Variants in DCC observed in about 807,000 individuals in gnomAD.
DCC encodes the protein DCC netrin 1 receptor.
DCC carries 58 observed loss-of-function variants against 172.5 expected under a neutral mutation model. That is an observed-to-expected ratio of 0.34 (90% CI 0.27 to 0.42). DCC has a LOEUF of 0.42. Among genes scored for constraint, DCC ranks in the 10% least tolerant of loss-of-function variants. The pLI is 1.00. For synonymous variants in DCC, 709 were observed against 644.5 expected (o/e 1.10, Z -1.52); for missense variants, 1,740 against 1,791.0 (o/e 0.97, Z 0.51).
chr18:52,477,475 A>G (rs1989126908), intron 1 of DCC, among the ~76,000 whole-genome samples: 1 of 152,198 alleles, frequency 6.6e-6, no homozygotes, highest in Non-Finnish European at 1.5e-5. Context: ...CACTTGTGTC[A>G]AACTCTGACA....
chr18:53,067,699 C>G (rs2042593250), intron 7 of DCC, among the ~76,000 whole-genome samples: 1 of 152,120 alleles, frequency 6.6e-6, no homozygotes, highest in Non-Finnish European at 1.5e-5. Flanking sequence ...TAATACAGAT[C>G]CAAATACTTC....
intron 5 of DCC, among the ~76,000 whole-genome samples, chr18:53,062,129 G>A (rs948961503): frequency 2.6e-5 from 4 of 151,966 alleles, no homozygotes; most frequent in African/African-American, 9.7e-5. Flanking sequence ...ATATTATTTA[G>A]TTACTAATCA....
At chr18:53,336,603 A>G (rs2144861076) in intron 14 of DCC, among the ~76,000 whole-genome samples, 1 of 152,322 alleles carries the variant, frequency 6.6e-6, no homozygotes, top group East Asian at 1.9e-4. Flanking sequence ...GATAATTCCA[A>G]CACTTTAGGA....
chr18:52,657,530 A>C (rs1435429501), intron 1 of DCC, among the ~76,000 whole-genome samples: 3 of 152,166 alleles, frequency 2.0e-5, no homozygotes, highest in African/African-American at 7.2e-5. Flanking sequence ...GGATCCCTGC[A>C]ATGTGGTTGA....
At chr18:52,442,429 T>A (rs1409967420) in intron 1 of DCC, among the ~76,000 whole-genome samples, 2 of 152,180 alleles carry the variant, frequency 1.3e-5, no homozygotes, top group African/African-American at 4.8e-5. Context: ...ATTATAACAA[T>A]AAGATTTTGA....
At position 52,709,840 on chromosome 18, in the gene DCC, T is replaced by C. The variant is rs534557054; in HGVS notation, c.92-42214T>C. Among the ~76,000 whole-genome samples the C allele has an allele frequency of 1.1e-4, 16 of 152,302 alleles. No individual in the cohort carries two copies. In the South Asian group the frequency reaches 3.3e-3, roughly 32 times the overall value. ...AACTGTATAAATGGATAATGTATAG[T>C]AAGAAATATTTTCAATGCAGTGAAT... On this transcript the variant is annotated intron_variant, in intron 1 of 28. Coordinates refer to ENST00000442544, the MANE Select transcript of DCC (RefSeq NM_005215.4).
intron 7 of DCC, among the ~76,000 whole-genome samples, chr18:53,150,810 G>A (rs1282971505): frequency 1.3e-5 from 2 of 152,210 alleles, no homozygotes; most frequent in Admixed American, 6.5e-5. Flanking sequence ...GAACTGAGAG[G>A]TAGCAAGGAG....
chr18:53,532,423 C>A lies in DCC; in HGVS notation c.*1770C>A, dbSNP rs2046533390. The A allele has an allele frequency of 6.6e-6, 1 of 152,154 alleles. No individual in the cohort carries two copies. The highest frequency in any genetic ancestry group is 6.6e-5 in the Admixed American group (1 of 15,266). 9.4% of individuals were successfully genotyped at this position (152,154 alleles called of 1,614,324 possible). Reference sequence around the variant, plus strand: ...TCCATTTGCGAATTTGTTCCTTCAACAAGAGTGCTCATTCAAGTTACTCAG... The same window carrying A: ...TCCATTTGCGAATTTGTTCCTTCAAAAAGAGTGCTCATTCAAGTTACTCAG... On this transcript the variant is annotated 3_prime_UTR_variant, in exon 29 of 29. Transcript: ENST00000442544.
At chr18:52,795,705 C>A (rs1302351249) in intron 2 of DCC, among the ~76,000 whole-genome samples, 1 of 151,918 alleles carries the variant, frequency 6.6e-6, no homozygotes, top group East Asian at 1.9e-4. Context: ...TATTTGAAAT[C>A]TGTCCACTTT....
intron 1 of DCC, among the ~76,000 whole-genome samples, chr18:52,714,807 C>T (rs548590646): frequency 5.9e-5 from 9 of 152,226 alleles, no homozygotes; most frequent in African/African-American, 1.9e-4. Context: ...TTTGAGATTC[C>T]ATTTATTTAA....
intron 24 of DCC, among the ~76,000 whole-genome samples, chr18:53,460,004 A>T (rs58446192): frequency 3.1e-4 from 46 of 146,932 alleles, no homozygotes; most frequent in African/African-American, 1.1e-3. Context: ...TGATCCCCAG[A>T]CTAGTTTGAT....
chr18:53,443,219 G>T (rs1175123625), intron 22 of DCC, among the ~76,000 whole-genome samples: 2 of 152,146 alleles, frequency 1.3e-5, no homozygotes, highest in African/African-American at 4.8e-5. Context: ...CAAAGGACAG[G>T]CTGACTCTCT....
At chr18:53,482,499 T>C (rs1366222113) in intron 25 of DCC, among the ~76,000 whole-genome samples, 1 of 152,104 alleles carries the variant, frequency 6.6e-6, no homozygotes, top group African/African-American at 2.4e-5. Flanking sequence ...AACTAAAAGA[T>C]TATATGGCTT....
At chr18:53,169,440 T>C (rs1457905118) in intron 8 of DCC, among the ~76,000 whole-genome samples, 1 of 152,216 alleles carries the variant, frequency 6.6e-6, no homozygotes, top group Non-Finnish European at 1.5e-5. Flanking sequence ...ATGTGAATTT[T>C]CATTGAGTAA....
chr18:52,981,592 A>T (rs1477099782), intron 5 of DCC, among the ~76,000 whole-genome samples: 1 of 152,126 alleles, frequency 6.6e-6, no homozygotes, highest in Non-Finnish European at 1.5e-5. Flanking sequence ...ATGTCTCTAT[A>T]GGTGTTGCCA....
At chr18:52,962,894 G>T (rs1440544734) in intron 5 of DCC, among the ~76,000 whole-genome samples, 2 of 143,390 alleles carry the variant, frequency 1.4e-5, no homozygotes, top group East Asian at 2.1e-4. Context: ...TCATAGGTAG[G>T]AATTGAACAA....
chr18:53,339,615 G>A (rs1043779448), intron 14 of DCC, 98 bp from the exon 15 acceptor site: 31 of 883,456 alleles, frequency 3.5e-5, no homozygotes, highest in Non-Finnish European at 5.4e-5. Flanking sequence ...CATTATTTAT[G>A]CATCTATGAA....
intron 12 of DCC, among the ~76,000 whole-genome samples, chr18:53,281,837 C>A (rs1421550720): frequency 6.8e-6 from 1 of 147,458 alleles, no homozygotes; most frequent in East Asian, 2.0e-4. Context: ...CTGGCAGTTG[C>A]AATAGAATTC....
rs554927670 is a variant in DCC at position 53,505,606 on chromosome 18, T to C, written c.4111+6096T>C. On this transcript the variant is annotated intron_variant, in intron 27 of 28. Transcript: ENST00000442544. ...CCATATATGAAACTGAAGTTAACTATATCAACCTAATACAATGAAACTCTG... is the reference window on the plus strand; with the variant it reads ...CCATATATGAAACTGAAGTTAACTACATCAACCTAATACAATGAAACTCTG... Among the ~76,000 whole-genome samples, 25 of 152,304 alleles carry C rather than the reference T, an allele frequency of 1.6e-4. No homozygotes were observed. The South Asian group carries it at 5.0e-3, about 30-fold the overall frequency.
Sources: allele counts gnomAD v4.1 joint callset (sites outside exome capture counted in the v4.1 genomes callset), GRCh38; gene constraint gnomAD v4.1.1; transcripts MANE v1.5; gene names NCBI Gene and HGNC (gene_info 2026-07-23, HGNC 2026-07-21).